MYLIP: variants seen among roughly 807,000 people sequenced by gnomAD.
MYLIP encodes E3 ubiquitin-protein ligase MYLIP.
MYLIP carries 26 observed loss-of-function variants against 45.8 expected under a neutral mutation model. The ratio of observed to expected loss-of-function variants is 0.57; its 90% CI spans 0.42 to 0.79. The LOEUF (loss-of-function observed/expected upper bound fraction) is 0.79, where lower values mean the gene tolerates loss of function less well. Ranked by LOEUF, MYLIP falls within the 30% of genes least tolerant of loss-of-function variation. The probability of loss-of-function intolerance (pLI) is 0.00; values close to 1 mark genes in which losing one functional copy is unlikely to be tolerated. For synonymous variants in MYLIP, 213 were observed against 218.1 expected (o/e 0.98, Z 0.21); for missense variants, 494 against 555.6 (o/e 0.89, Z 1.11).
chr6:16,129,211 C>A lies in MYLIP; in HGVS notation c.-112C>A. 8.7e-7 allele frequency: 1 copy of A among 1,149,770 alleles called. No homozygotes were observed. The highest frequency in any genetic ancestry group is 1.2e-6 in the Non-Finnish European group (1 of 805,810). The allele number at this position is 1,149,770 out of a possible 1,614,324, so 71.2% of individuals were successfully genotyped here. On this transcript the variant is annotated 5_prime_UTR_variant, in exon 1 of 7. Transcript: ENST00000356840. This position sits in a 1 kb window ranked among gnomAD's most constrained non-coding sequence, Gnocchi z 5.1. Reference sequence around the variant, plus strand: ...CGGACAAGGGTCCGCAGAGCTGCAGCCTTCGAGGGCCAGCCCTCTCCGAGT... The same window carrying A: ...CGGACAAGGGTCCGCAGAGCTGCAGACTTCGAGGGCCAGCCCTCTCCGAGT...
At chr6:16,158,856 C>A in the MYLIP span, among the ~76,000 whole-genome samples, 46 of 152,242 alleles carry the variant, frequency 3.0e-4, no homozygotes, top group Non-Finnish European at 2.4e-4. Context: ...GGCGGCAGAG[C>A]AAGACTCCGT....
intron 2 of MYLIP, among the ~76,000 whole-genome samples, chr6:16,134,095 T>C (rs572938045): frequency 1.6e-4 from 25 of 152,180 alleles, no homozygotes; most frequent in Non-Finnish European, 3.5e-4. Context: ...TATCTTTCCT[T>C]TATAGCATTT....
Position 16,147,884 on chromosome 6 carries a change from T to C in MYLIP, c.*1133T>C, listed in dbSNP as rs1381161667. The C allele has an allele frequency of 6.6e-6, 1 of 152,632 alleles. No individual in the cohort carries two copies. The highest frequency in any genetic ancestry group is 2.4e-5 in the African/African-American group (1 of 41,440). The allele number at this position is 152,632 out of a possible 1,614,324, so 9.5% of individuals were successfully genotyped here. ...CATGTTTTCCACTCCCACTTGGGCATTTTGGAAGCTGGTCAGCTAGCAGGT... is the reference window on the plus strand; with the variant it reads ...CATGTTTTCCACTCCCACTTGGGCACTTTGGAAGCTGGTCAGCTAGCAGGT... On this transcript the variant is annotated 3_prime_UTR_variant, in exon 7 of 7. Coordinates refer to ENST00000356840, the MANE Select transcript of MYLIP (RefSeq NM_013262.4).
At chr6:16,143,481 G>T (rs191073335) in intron 4 of MYLIP, among the ~76,000 whole-genome samples, 3 of 152,224 alleles carry the variant, frequency 2.0e-5, no homozygotes, top group Non-Finnish European at 4.4e-5. Flanking sequence ...ATGCATGTGC[G>T]CACACCCAGC....
In MYLIP at chr6:16,143,866, A is replaced by C; in HGVS notation, c.827+3A>C. ...ACAGAGACGCACGCATTCTACAGGC[A>C]CGTATCTCGTGTGCTTGGTCACCTC... On this transcript the variant is annotated splice_donor_region_variant and intron_variant, in intron 5 of 6. Transcript: ENST00000356840. 1 of 1,610,760 alleles carries C rather than the reference A, an allele frequency of 6.2e-7. No individual in the cohort carries two copies. Among genetic ancestry groups the C allele is most frequent in the Non-Finnish European group, 8.5e-7 (1 of 1,178,602 alleles).
Position 16,144,926 on chromosome 6 carries a change from T to C in MYLIP, c.857T>C (p.Met286Thr), listed in dbSNP as rs965755561. The change falls in exon 6 of 7, where the codon ATG (methionine) becomes ACG (threonine). Residue 286 changes from methionine to threonine, a missense_variant. Coordinates refer to ENST00000356840, the MANE Select transcript of MYLIP (RefSeq NM_013262.4). ...RCDTVTSAVM[M>T]QYSRDLKGHL... is the part of the protein sequence containing the mutation. ...GACACAGTGACCAGCGCCGTGATGA[T>C]GCAGTATAGCCGTGACTTGAAGGGC... 10 of 1,613,964 alleles carry C rather than the reference T, an allele frequency of 6.2e-6. No individual in the cohort carries two copies. The highest frequency in any genetic ancestry group is 5.0e-5 in the Admixed American group (3 of 60,002).
Position 16,143,234 on chromosome 6 carries a change from C to A in MYLIP, c.662+17C>A. On this transcript the variant is annotated intron_variant, in intron 4 of 6. Transcript: ENST00000356840. ...AATTAATAGGTAAGCCAAGACTTAA[C>A]TTTTTTTGACCTAAGCATGTGTATA... 1 of 1,613,208 alleles carries A rather than the reference C, an allele frequency of 6.2e-7. No individual in the cohort carries two copies. The highest frequency in any genetic ancestry group is 1.1e-5 in the South Asian group (1 of 91,066).
chr6:16,131,899 G>A (rs972330194), intron 2 of MYLIP, among the ~76,000 whole-genome samples: 4 of 152,136 alleles, frequency 2.6e-5, no homozygotes, highest in Admixed American at 2.6e-4. Context: ...TGAGTTCTTG[G>A]TACTCCTGAA....
the MYLIP span, among the ~76,000 whole-genome samples, chr6:16,158,074 G>C: frequency 6.6e-6 from 1 of 152,214 alleles, no homozygotes; most frequent in Admixed American, 6.5e-5. Flanking sequence ...ATGTGCTCTG[G>C]AGGAAGCTGC....
Position 16,129,500 on chromosome 6 carries a change from T to C in MYLIP, c.87+91T>C, listed in dbSNP as rs569041222. ...CCTGGCACTCTGGCGCGCCCCCTAC[T>C]AGGGGCCGGGAGGCACTGCGGCGGC... On this transcript the variant is annotated intron_variant, in intron 1 of 6. Coordinates refer to ENST00000356840, the MANE Select transcript of MYLIP (RefSeq NM_013262.4). This position sits in a 1 kb window ranked among gnomAD's most constrained non-coding sequence, Gnocchi z 5.1. 19 of 1,286,516 alleles carry C rather than the reference T, an allele frequency of 1.5e-5. No homozygotes were observed. The highest frequency in any genetic ancestry group is 1.8e-5 in the Non-Finnish European group (17 of 932,160). The allele number at this position is 1,286,516 out of a possible 1,614,324, so 79.7% of individuals were successfully genotyped here. A position where few individuals can be genotyped will look rare whatever the true frequency, so the allele number is the denominator to read the frequency against.
intron 2 of MYLIP, among the ~76,000 whole-genome samples, chr6:16,140,170 A>G (rs986120786): frequency 2.3e-4 from 35 of 152,218 alleles, no homozygotes; most frequent in African/African-American, 8.4e-4. Flanking sequence ...AATGGGACGA[A>G]TAATGTGGCA....
At position 16,147,429 on chromosome 6, in the gene MYLIP, C is replaced by G. The variant is rs1759816888; in HGVS notation, c.*678C>G. ...TTACGCTCCCCCTATCCCTACCCCA[C>G]AAGCCTTTCGATTATAAAATACTAC... On this transcript the variant is annotated 3_prime_UTR_variant, in exon 7 of 7. Transcript: ENST00000356840. The G allele has an allele frequency of 6.6e-6, 1 of 152,592 alleles. No homozygotes were observed. The highest frequency in any genetic ancestry group is 2.1e-4 in the South Asian group (1 of 4,830). The allele number at this position is 152,592 out of a possible 1,614,324, so 9.5% of individuals were successfully genotyped here.
intron 5 of MYLIP, among the ~76,000 whole-genome samples, 200 bp downstream of exon 5, chr6:16,144,063 G>A (rs1171994705): frequency 6.6e-6 from 1 of 152,086 alleles, no homozygotes; most frequent in Admixed American, 6.5e-5. Context: ...GTGCATGTGT[G>A]TGAGCTGCAC....
intron 6 of MYLIP, 100 bp downstream of exon 6, chr6:16,145,417 G>GA (rs1759770036): frequency 8.2e-6 from 11 of 1,338,370 alleles, no homozygotes; most frequent in Non-Finnish European, 1.1e-5. Flanking sequence ...CACAGACGGG[G>GA]AATGCCCATC....
chr6:16,145,317 G>C lies in MYLIP; in HGVS notation c.1248G>C (p.Gln416His). The change falls in exon 6 of 7, where the codon CAG becomes CAC. Residue 416 changes from glutamine (Q) to histidine (H), a missense_variant and splice_region_variant. Gln to His is a conservative substitution (Grantham distance 24). Transcript: ENST00000356840. Reference protein sequence around the residue: ...VCCESCAAQLQSCPVCRSRVE... With the variant: ...VCCESCAAQLHSCPVCRSRVE... Reference sequence around the variant, plus strand: ...GTGAGAGCTGCGCCGCCCAGCTACAGGTAGGGGAGTCAGCTGCCCACTTTT... The same window carrying C: ...GTGAGAGCTGCGCCGCCCAGCTACACGTAGGGGAGTCAGCTGCCCACTTTT... 6.3e-7 allele frequency: 1 copy of C among 1,576,072 alleles called. No individual in the cohort carries two copies. Among genetic ancestry groups the C allele is most frequent in the Non-Finnish European group, 8.6e-7 (1 of 1,156,846 alleles).
chr6:16,159,467 CT>C, the MYLIP span, among the ~76,000 whole-genome samples: 2 of 152,280 alleles, frequency 1.3e-5, no homozygotes, highest in Non-Finnish European at 2.9e-5. Flanking sequence ...GCTGGACGGT[CT>C]TTTTGGTTTG....
the MYLIP span, chr6:16,161,244 A>G: frequency 2.4e-5 from 8 of 335,646 alleles, no homozygotes; most frequent in African/African-American, 1.7e-4. Context: ...CTGGTAATAC[A>G]CCCGTGAAAT....
Position 16,147,468 on chromosome 6 carries a change from A to C in MYLIP, c.*717A>C, listed in dbSNP as rs1759817758. The C allele has an allele frequency of 6.6e-6, 1 of 152,400 alleles. No individual in the cohort carries two copies. Among genetic ancestry groups the C allele is most frequent in the African/African-American group, 2.4e-5 (1 of 41,426 alleles). 9.4% of individuals were successfully genotyped at this position (152,400 alleles called of 1,614,324 possible). A position where few individuals can be genotyped will look rare whatever the true frequency, so the allele number is the denominator to read the frequency against. ...ATAAAATACTACCAATCTTGTTATAAGATTACTGTGGAGTAGTCAAGTACT... is the reference window on the plus strand; with the variant it reads ...ATAAAATACTACCAATCTTGTTATACGATTACTGTGGAGTAGTCAAGTACT... On this transcript the variant is annotated 3_prime_UTR_variant, in exon 7 of 7. Coordinates refer to ENST00000356840, the MANE Select transcript of MYLIP (RefSeq NM_013262.4).
chr6:16,150,587 G>A (rs983502437), downstream of MYLIP, among the ~76,000 whole-genome samples: 2 of 152,104 alleles, frequency 1.3e-5, no homozygotes, highest in African/African-American at 2.4e-5. Context: ...CCAGCTACTC[G>A]GAGGCCGGGA....
Sources: gnomAD v4.1 joint callset for allele counts (sites outside exome capture counted in the v4.1 genomes callset) on GRCh38, gnomAD v4.1.1 for gene constraint, Gnocchi (gnomAD v3.1) non-coding constraint, MANE v1.5 for transcripts, NCBI Gene and HGNC (gene_info 2026-07-23, HGNC 2026-07-21) for gene names.